Variants in NEDD4 observed in about 807,000 individuals in gnomAD.
NEDD4 encodes the protein E3 ubiquitin-protein ligase NEDD4.
NEDD4 carries 99 observed loss-of-function variants against 144.9 expected under a neutral mutation model. That is an observed-to-expected ratio of 0.68 (90% confidence interval 0.58 to 0.81). The LOEUF is 0.81. NEDD4 is among the 30% of genes least tolerant of loss of function. NEDD4 has a pLI of 0.00. For missense variants in NEDD4, 985 were observed against 1,065.9 expected, an observed-to-expected ratio of 0.92 and a Z score of 1.06; for synonymous variants, 318 against 350.6, an observed-to-expected ratio of 0.91 and a Z score of 1.04.
In NEDD4 at chr15:55,860,556, CTCTTA is replaced by C. The variant is rs1385401745; in HGVS notation, c.806_810del (p.Ile269ArgfsTer3). ...TTGCTATACATGGTGGCTTCATCTTCTCTTATAATTTCCCAGTTCTAAAATGAACA... is the reference window on the plus strand; with the variant it reads ...TTGCTATACATGGTGGCTTCATCTTCTAATTTCCCAGTTCTAAAATGAACA... On this transcript the variant is annotated frameshift_variant, in exon 11 of 29. Transcript: ENST00000435532. LOFTEE classifies it high-confidence loss of function. 6.2e-6 allele frequency: 10 copies of C among 1,613,968 alleles called. No individual in the cohort carries two copies. The highest frequency in any genetic ancestry group is 2.2e-5 in the East Asian group (1 of 44,874).
At chr15:55,987,168 C>G (rs2037909877) in intron 1 of NEDD4, 1 of 96,472 alleles carries the variant, frequency 1.0e-5, no homozygotes, top group Non-Finnish European at 2.1e-5. Flanking sequence ...GCCATTCTAA[C>G]TGGTGTGAGA....
chr15:55,874,201 C>A (rs1441805106), intron 5 of NEDD4, among the ~76,000 whole-genome samples, 193 bp from the exon 6 acceptor site: 2 of 151,892 alleles, frequency 1.3e-5, no homozygotes, highest in African/African-American at 4.8e-5. Flanking sequence ...TTAGATTAAT[C>A]CTTCTGCAGA....
At chr15:55,861,114 C>G (rs2034388511) in intron 9 of NEDD4, among the ~76,000 whole-genome samples, 1 of 152,128 alleles carries the variant, frequency 6.6e-6, no homozygotes. Flanking sequence ...TAGATTATTT[C>G]ATTGTATTAT....
chr15:55,898,685 A>G (rs2035816376), intron 5 of NEDD4, among the ~76,000 whole-genome samples: 1 of 142,540 alleles, frequency 7.0e-6, no homozygotes, highest in South Asian at 2.2e-4. Context: ...TGCCCAGGCT[A>G]AATACAGTGG....
intron 24 of NEDD4, among the ~76,000 whole-genome samples, chr15:55,837,330 T>G (rs2033255319): frequency 6.6e-6 from 1 of 151,280 alleles, no homozygotes; most frequent in African/African-American, 2.4e-5. Flanking sequence ...CTCAGGAGGC[T>G]GAGGCAGGAG....
Position 55,842,038 on chromosome 15 carries a change from A to G in NEDD4, c.1734T>C (p.Asp578=). ...CTCCATAATCCAATCCCTTTTCACC[A>G]TCAAACTCAATCCACAGTCGAGCCT... ...FLKARLWIEF[D]GEKGLDYGGV... Residue 578 remains aspartate (D), a synonymous_variant, in exon 19 of 29, where the codon GAT becomes GAC. Transcript: ENST00000435532. 1 of 1,614,202 alleles carries G rather than the reference A, an allele frequency of 6.2e-7. No homozygotes were observed. The highest frequency in any genetic ancestry group is 8.5e-7 in the Non-Finnish European group (1 of 1,180,030).
intron 2 of NEDD4, among the ~76,000 whole-genome samples, chr15:55,954,918 T>G (rs2037310583): frequency 1.3e-5 from 2 of 151,478 alleles, no homozygotes. Flanking sequence ...TCTTCAGATA[T>G]CTTTGTTTAA....
chr15:55,841,817 C>G, intron 19 of NEDD4, 117 bp downstream of exon 19: 1 of 770,650 alleles, frequency 1.3e-6, no homozygotes, highest in Non-Finnish European at 2.2e-6. Context: ...GTGATCCGCC[C>G]GCCTCGGCCT....
At chr15:55,852,592 C>T (rs2034030067) in intron 12 of NEDD4, 49 bp from the exon 13 acceptor site, 2 of 1,577,996 alleles carry the variant, frequency 1.3e-6, no homozygotes, top group Admixed American at 3.4e-5. Flanking sequence ...TTTAAGAATC[C>T]TTCTATCACC....
chr15:55,875,543 C>T (rs150289426), intron 5 of NEDD4, among the ~76,000 whole-genome samples: 1 of 152,134 alleles, frequency 6.6e-6, no homozygotes, highest in Non-Finnish European at 1.5e-5. Flanking sequence ...GTCTCAAACT[C>T]CTGACCTCAG....
intron 18 of NEDD4, among the ~76,000 whole-genome samples, chr15:55,846,073 T>A (rs918524299): frequency 3.3e-5 from 5 of 152,062 alleles, no homozygotes; most frequent in African/African-American, 1.2e-4. Flanking sequence ...AGGCATGAGC[T>A]ACTGCACCTG....
chr15:55,869,131 T>C (rs2034686168), intron 8 of NEDD4, among the ~76,000 whole-genome samples: 1 of 152,168 alleles, frequency 6.6e-6, no homozygotes, highest in Non-Finnish European at 1.5e-5. Flanking sequence ...GAAGGCTCTT[T>C]ATTAGATCAC....
At chr15:55,963,602 T>C (rs1210929755) in intron 2 of NEDD4, among the ~76,000 whole-genome samples, 1 of 152,232 alleles carries the variant, frequency 6.6e-6, no homozygotes, top group Non-Finnish European at 1.5e-5. Context: ...TCACCAACAA[T>C]ATAAATCCTA....
Position 55,912,907 on chromosome 15 carries a change from T to C in NEDD4, c.291+11739A>G, listed in dbSNP as rs574051335. ...CCTGAAATCAACATTATTATGGAGA[T>C]AGACTACAAAGTCTCATCTTCACTC... On this transcript the variant is annotated intron_variant, in intron 5 of 28. Coordinates refer to ENST00000435532, the MANE Select transcript of NEDD4 (RefSeq NM_006154.4). 8.5e-5 allele frequency among the ~76,000 whole-genome samples: 13 copies of C among 152,240 alleles called. No homozygotes were observed. The East Asian group carries it at 9.6e-4, about 11-fold the overall frequency.
Position 55,852,629 on chromosome 15 carries a change from C to G in NEDD4, c.1027-86G>C. The G allele has an allele frequency of 2.4e-6, 3 of 1,246,836 alleles. No homozygotes were observed. In the Admixed American group the frequency reaches 6.1e-5, roughly 25 times the overall value. The allele number at this position is 1,246,836 out of a possible 1,614,324, so 77.2% of individuals were successfully genotyped here. On this transcript the variant is annotated intron_variant, in intron 12 of 28. Transcript: ENST00000435532. Reference sequence around the variant, plus strand: ...CCAAAAGTTCCCTCTGTCCCTATGTCTACTCTCAGCCCCAAGCAACCACTC... The same window carrying G: ...CCAAAAGTTCCCTCTGTCCCTATGTGTACTCTCAGCCCCAAGCAACCACTC...
At position 55,840,690 on chromosome 15, in the gene NEDD4, A is replaced by G; in HGVS notation, c.1876T>C (p.Leu626=). The G allele has an allele frequency of 6.2e-7, 1 of 1,614,046 alleles. No individual in the cohort carries two copies. The highest frequency in any genetic ancestry group is 8.5e-7 in the Non-Finnish European group (1 of 1,179,980). ...TAAGAGAGGTGATCTTCGTTACACA[A>G]TCCAGAGTTTGGATTTATCTGTAGG... is the stretch of plus-strand genomic sequence containing the variant. ...YTLQINPNSG[L]CNEDHLSYFK... is the part of the protein sequence containing the mutation. The change falls in exon 20 of 29, where the codon TTG becomes CTG. Residue 626 remains leucine (L), a synonymous_variant. Transcript: ENST00000435532.
Position 55,986,580 on chromosome 15 carries a change from C to CTTTTTTTT in NEDD4, c.45+6923_45+6930dup, listed in dbSNP as rs58470215. On this transcript the variant is annotated intron_variant, in intron 1 of 28. Coordinates refer to ENST00000435532, the MANE Select transcript of NEDD4 (RefSeq NM_006154.4). ...TCGTAGGATGTAAGGCCTGTCCTTGCTTTTTTTTTTTTTTTTTTTTTTTTT... is the reference window on the plus strand; with the variant it reads ...TCGTAGGATGTAAGGCCTGTCCTTGCTTTTTTTTTTTTTTTTTTTTTTTTTTTTTTTTT... Among the ~76,000 whole-genome samples, 199 of 76,430 alleles carry CTTTTTTTT rather than the reference C, an allele frequency of 2.6e-3. 9 individuals are homozygous for CTTTTTTTT. Among genetic ancestry groups the CTTTTTTTT allele is most frequent in the African/African-American group, 0.011 (188 of 16,802 alleles). 50.1% of individuals were successfully genotyped at this position (76,430 alleles called of 152,430 possible).
chr15:55,839,706 G>A (rs1253565870), intron 21 of NEDD4, among the ~76,000 whole-genome samples: 5 of 151,764 alleles, frequency 3.3e-5, no homozygotes, highest in Middle Eastern at 3.4e-3. Flanking sequence ...GGCCAGGTGC[G>A]GTGGCTCATG....
intron 1 of NEDD4, among the ~76,000 whole-genome samples, chr15:55,986,018 C>A (rs2037884870): frequency 6.6e-6 from 1 of 152,124 alleles, no homozygotes; most frequent in Admixed American, 6.5e-5. Flanking sequence ...ACCTAGGAAC[C>A]TCCTTGAAAG....
Sources: gnomAD v4.1 joint callset for allele counts (sites outside exome capture counted in the v4.1 genomes callset) on GRCh38, gnomAD v4.1.1 for gene constraint, MANE v1.5 for transcripts, NCBI Gene and HGNC (gene_info 2026-07-23, HGNC 2026-07-21) for gene names.